NEDD4L: variants seen among roughly 807,000 people sequenced by gnomAD.
NEDD4L encodes the protein NEDD4 like E3 ubiquitin protein ligase.
In NEDD4L, 54 loss-of-function variants were observed where a neutral mutation model predicts 148.9. That is an observed-to-expected ratio of 0.36 (90% confidence interval 0.29 to 0.45). The LOEUF (loss-of-function observed/expected upper bound fraction) is 0.45. Ranked by LOEUF, NEDD4L falls within the 20% of genes least tolerant of loss-of-function variation. The pLI is 1.00. For missense variants in NEDD4L, 856 were observed against 1,233.8 expected (o/e 0.69, Z 4.59); for synonymous variants, 433 against 440.7 (o/e 0.98, Z 0.22).
At chr18:58,055,393 G>T (rs990318491) in intron 1 of NEDD4L, among the ~76,000 whole-genome samples, 1 of 152,202 alleles carries the variant, frequency 6.6e-6, no homozygotes, top group African/African-American at 2.4e-5. Flanking sequence ...TTATTGTCTT[G>T]TGTTTTGCTT....
At chr18:58,123,181 G>T (rs568887006) in intron 1 of NEDD4L, among the ~76,000 whole-genome samples, 14 of 152,274 alleles carry the variant, frequency 9.2e-5, no homozygotes, top group African/African-American at 2.9e-4. Context: ...TGAAGACACC[G>T]CCAACCCTGC....
chr18:58,325,335 CTTGTATA>C (rs1267198049), intron 9 of NEDD4L, among the ~76,000 whole-genome samples, 173 bp downstream of exon 9: 3 of 152,230 alleles, frequency 2.0e-5, no homozygotes, highest in African/African-American at 7.2e-5. Context: ...GCAGTCAGAA[CTTGTATA>C]TTGTAAGCGA....
At chr18:58,242,797 C>T (rs1014112110) in intron 2 of NEDD4L, among the ~76,000 whole-genome samples, 11 of 152,310 alleles carry the variant, frequency 7.2e-5, no homozygotes, top group Middle Eastern at 3.4e-3. Flanking sequence ...TGAGCCACTG[C>T]GCCTAACCCT....
chr18:58,383,167 T>A lies in NEDD4L; in HGVS notation c.2353-79T>A. ...CTGAATACATGTTGTCTTCCCTTTA[T>A]AGTAAGACATTGTCACTCAATAATA... is the stretch of plus-strand genomic sequence containing the variant. On this transcript the variant is annotated intron_variant, in intron 24 of 30. Coordinates refer to ENST00000400345, the MANE Select transcript of NEDD4L (RefSeq NM_001144967.3). The A allele has an allele frequency of 3.9e-6, 3 of 767,760 alleles. No individual in the cohort carries two copies. The South Asian group carries it at 4.6e-5, about 12-fold the overall frequency. 47.6% of individuals were successfully genotyped at this position (767,760 alleles called of 1,614,324 possible). A position where few individuals can be genotyped will look rare whatever the true frequency, so the allele number is the denominator to read the frequency against.
chr18:58,107,912 GT>G (rs2085170189), intron 1 of NEDD4L, among the ~76,000 whole-genome samples: 1 of 152,046 alleles, frequency 6.6e-6, no homozygotes, highest in South Asian at 2.1e-4. Context: ...TAAAGATGGG[GT>G]TTTGCCATCT....
intron 2 of NEDD4L, among the ~76,000 whole-genome samples, chr18:58,168,130 G>A (rs1009554543): frequency 2.0e-5 from 3 of 152,170 alleles, no homozygotes; most frequent in Admixed American, 1.3e-4. Flanking sequence ...TCGTATTGTG[G>A]CCAAGTGGAC....
chr18:58,190,322 T>C (rs567632062), intron 2 of NEDD4L, among the ~76,000 whole-genome samples: 2 of 152,320 alleles, frequency 1.3e-5, no homozygotes, highest in East Asian at 3.9e-4. Flanking sequence ...GCATTGCTTA[T>C]AATGAAAAAG....
At chr18:58,084,644 A>G (rs545774892) in intron 1 of NEDD4L, among the ~76,000 whole-genome samples, 9 of 147,332 alleles carry the variant, frequency 6.1e-5, no homozygotes, top group African/African-American at 1.8e-4. Flanking sequence ...CCACCTGGCC[A>G]CCTTCTCACT....
intron 6 of NEDD4L, 26 bp downstream of exon 6, chr18:58,316,058 T>C (rs1407115490): frequency 1.3e-6 from 2 of 1,594,758 alleles, no homozygotes; most frequent in Non-Finnish European, 1.7e-6. Context: ...TGTTTGATGC[T>C]TCGTGCTGGG....
intron 1 of NEDD4L, among the ~76,000 whole-genome samples, chr18:58,099,267 G>A (rs984727681): frequency 1.3e-5 from 2 of 151,924 alleles, no homozygotes; most frequent in African/African-American, 4.8e-5. Flanking sequence ...CAACCCTGAA[G>A]TCCTGGGCTC....
intron 1 of NEDD4L, among the ~76,000 whole-genome samples, chr18:58,123,132 C>T (rs1023653851): frequency 6.6e-6 from 1 of 152,166 alleles, no homozygotes; most frequent in Non-Finnish European, 1.5e-5. Context: ...TCTGAATGTT[C>T]CCGCACCTTC....
intron 27 of NEDD4L, chr18:58,387,724 C>T: frequency 2.2e-6 from 1 of 448,018 alleles, no homozygotes; most frequent in Middle Eastern, 6.2e-4. Flanking sequence ...CAAAAATAAT[C>T]AGCTGTAGTT....
chr18:58,399,256 T>G lies in NEDD4L; in HGVS notation c.*2987T>G, dbSNP rs1211361645. 1 of 152,210 alleles carries G rather than the reference T, an allele frequency of 6.6e-6. No homozygotes were observed. Among genetic ancestry groups the G allele is most frequent in the Non-Finnish European group, 1.5e-5 (1 of 68,050 alleles). The allele number at this position is 152,210 out of a possible 1,614,324, so 9.4% of individuals were successfully genotyped here. A position where few individuals can be genotyped will look rare whatever the true frequency, so the allele number is the denominator to read the frequency against. On this transcript the variant is annotated 3_prime_UTR_variant, in exon 31 of 31. Transcript: ENST00000400345. ...GCCGGCAGCAGTGAGGCATTCATTGTCTGTGTTGCGGTGTATTCCCAGCTT... is the reference window on the plus strand; with the variant it reads ...GCCGGCAGCAGTGAGGCATTCATTGGCTGTGTTGCGGTGTATTCCCAGCTT...
At chr18:58,362,932 A>T (rs1331823037) in intron 19 of NEDD4L, among the ~76,000 whole-genome samples, 1 of 152,180 alleles carries the variant, frequency 6.6e-6, no homozygotes, top group Non-Finnish European at 1.5e-5. Flanking sequence ...CTAGACTCAG[A>T]ATTGCTATGT....
intron 24 of NEDD4L, among the ~76,000 whole-genome samples, chr18:58,378,658 AG>A (rs1323104239): frequency 6.6e-6 from 1 of 152,160 alleles, no homozygotes; most frequent in Non-Finnish European, 1.5e-5. Context: ...ATGGGGGTGC[AG>A]GGTGCTGACT....
chr18:58,127,882 T>G (rs2031418804), intron 1 of NEDD4L, among the ~76,000 whole-genome samples: 1 of 151,882 alleles, frequency 6.6e-6, no homozygotes, highest in South Asian at 2.1e-4. Context: ...ATTTATTTAT[T>G]ATTTATTTTT....
chr18:58,191,089 T>C (rs1347329935), intron 2 of NEDD4L, among the ~76,000 whole-genome samples: 3 of 152,198 alleles, frequency 2.0e-5, no homozygotes, highest in Admixed American at 6.5e-5. Flanking sequence ...TCATTCAGCC[T>C]GGGTGGCAGA....
At chr18:58,377,647 G>T (rs532465224) in intron 24 of NEDD4L, among the ~76,000 whole-genome samples, 1 of 152,164 alleles carries the variant, frequency 6.6e-6, no homozygotes, top group East Asian at 1.9e-4. Context: ...ACACATACCT[G>T]CCCCCACCGG....
chr18:58,279,100 C>T (rs1370551539), intron 5 of NEDD4L, among the ~76,000 whole-genome samples: 3 of 151,782 alleles, frequency 2.0e-5, no homozygotes, highest in East Asian at 1.9e-4. Flanking sequence ...TGGTCTCAAA[C>T]GCCTGGCCTC....
Sources: gnomAD v4.1 joint callset for allele counts (sites outside exome capture counted in the v4.1 genomes callset) on GRCh38, gnomAD v4.1.1 for gene constraint, MANE v1.5 for transcripts, NCBI Gene and HGNC (gene_info 2026-07-23, HGNC 2026-07-21) for gene names.